Variants in MGA observed in about 807,000 individuals in gnomAD.
The protein encoded by MGA is MAX gene-associated protein.
A neutral mutation model predicts 261.1 loss-of-function variants in MGA; 40 were observed. That is an observed-to-expected ratio of 0.15 (90% CI 0.12 to 0.20). The LOEUF is 0.20. Among genes scored for constraint, MGA ranks in the 10% least tolerant of loss-of-function variants. The pLI is 1.00. For synonymous variants in MGA, 1,302 were observed against 1,290.6 expected (o/e 1.01, Z -0.19); for missense variants, 3,397 against 3,630.5 (o/e 0.94, Z 1.65).
intron 5 of MGA, among the ~76,000 whole-genome samples, chr15:41,702,956 C>A (rs959538634): frequency 1.3e-5 from 2 of 152,080 alleles, no homozygotes; most frequent in Non-Finnish European, 2.9e-5. Flanking sequence ...CCCCCCATTC[C>A]TAATTCTCTC....
In MGA at chr15:41,749,633, A is replaced by G. The variant is rs1052506659; in HGVS notation, c.6026A>G (p.Lys2009Arg). 3.7e-6 allele frequency: 6 copies of G among 1,613,962 alleles called. No individual in the cohort carries two copies. The highest frequency in any genetic ancestry group is 4.2e-6 in the Non-Finnish European group (5 of 1,179,874). The change falls in exon 17 of 24, where the codon AAA becomes AGA. Residue 2009 changes from lysine to arginine, a missense_variant. By Grantham distance (26) the Lys-to-Arg change is conservative. This residue lies in a region of MGA where 1,410 missense variants were observed against 1,386.4 expected (regional missense o/e 1.02). Coordinates refer to ENST00000219905, the MANE Select transcript of MGA (RefSeq NM_001164273.2). ...GTAGACCCTGAGGCTAATGTAATAA[A>G]ACAAAACTCAGGAGCTGCTACCTCA... is the stretch of plus-strand genomic sequence containing the variant.
intron 2 of MGA, chr15:41,691,757 A>C: frequency 3.6e-6 from 1 of 278,340 alleles, no homozygotes; most frequent in Non-Finnish European, 8.3e-6. Context: ...TCTGACTTAC[A>C]TAGTTTCCAT....
At chr15:41,679,532 T>G (rs1720921226) in intron 2 of MGA, among the ~76,000 whole-genome samples, 2 of 152,244 alleles carry the variant, frequency 1.3e-5, no homozygotes, top group South Asian at 4.1e-4. Flanking sequence ...AATCTATTCC[T>G]AAGTATTTTA....
At chr15:41,731,922 T>C (rs1455960139) in intron 11 of MGA, among the ~76,000 whole-genome samples, 2 of 152,220 alleles carry the variant, frequency 1.3e-5, no homozygotes, top group Non-Finnish European at 2.9e-5. Flanking sequence ...TGCTACTGTT[T>C]ACCATGTGTC....
At chr15:41,652,537 T>A (rs977556250) in intron 1 of MGA, among the ~76,000 whole-genome samples, 10 of 133,992 alleles carry the variant, frequency 7.5e-5, no homozygotes, top group East Asian at 2.1e-4. Context: ...GCTAATTAAA[T>A]TTTTTTTTTT....
At position 41,696,548 on chromosome 15, in the gene MGA, A is replaced by C. The variant is rs763173844; in HGVS notation, c.1538A>C (p.Glu513Ala). 4 of 1,614,020 alleles carry C rather than the reference A, an allele frequency of 2.5e-6. No homozygotes were observed. The highest frequency in any genetic ancestry group is 2.2e-5 in the South Asian group (2 of 91,086). ...TTGGAATATTTGCCTACATACATTG[A>C]AAATTCCAATGAGACTGCCTTCTGC... Residue 513 changes from glutamate (E) to alanine (A), a missense_variant, in exon 3 of 24, where the codon GAA becomes GCA. By Grantham distance (107) the Glu-to-Ala change is moderately radical. This residue lies in a region of MGA where 563 missense variants were observed against 563.6 expected (regional missense o/e 1.00). Coordinates refer to ENST00000219905, the MANE Select transcript of MGA (RefSeq NM_001164273.2).
chr15:41,696,402 A>G lies in MGA; in HGVS notation c.1392A>G (p.Gly464=). 1 of 1,613,994 alleles carries G rather than the reference A, an allele frequency of 6.2e-7. No homozygotes were observed. The highest frequency in any genetic ancestry group is 8.5e-7 in the Non-Finnish European group (1 of 1,179,890). The change falls in exon 3 of 24, where the codon GGA becomes GGG. Residue 464 remains glycine (G), a synonymous_variant. Transcript: ENST00000219905. ...CTAAAATGTTCAAATTAGACACTGG[A>G]AAGATGCCAGTAGTCTATCTGGAGC...
intron 23 of MGA, 101 bp downstream of exon 23, chr15:41,765,163 G>C: frequency 7.4e-7 from 1 of 1,348,928 alleles, no homozygotes. Flanking sequence ...ATGATAAAGA[G>C]CTATTCTGTT....
intron 1 of MGA, among the ~76,000 whole-genome samples, chr15:41,662,861 T>G (rs2057499405): frequency 6.6e-6 from 1 of 152,218 alleles, no homozygotes; most frequent in Non-Finnish European, 1.5e-5. Flanking sequence ...CTACTGTATT[T>G]ATTGTATGAA....
At chr15:41,718,302 TATATATATATATATATATAC>T (rs2060753842) in intron 9 of MGA, 3 of 93,666 alleles carry the variant, frequency 3.2e-5, no homozygotes, top group East Asian at 1.2e-4. Context: ...TGTGTGTGTG[TATATATATATATATATATAC>T]ATATATATAT....
At chr15:41,722,853 GTCC>G (rs2061024980) in intron 9 of MGA, among the ~76,000 whole-genome samples, 1 of 152,176 alleles carries the variant, frequency 6.6e-6, no homozygotes, top group Non-Finnish European at 1.5e-5. Context: ...ATTAAAACAA[GTCC>G]ATCGCTCTAA....
chr15:41,738,579 A>G (rs752458591), intron 13 of MGA, among the ~76,000 whole-genome samples: 2 of 152,132 alleles, frequency 1.3e-5, no homozygotes, highest in Non-Finnish European at 2.9e-5. Flanking sequence ...GCCTGATACA[A>G]TTTCTAGTGA....
At chr15:41,752,856 G>A (rs925854039) in intron 17 of MGA, among the ~76,000 whole-genome samples, 6 of 152,102 alleles carry the variant, frequency 3.9e-5, no homozygotes, top group Admixed American at 6.5e-5. Flanking sequence ...ACTGCCTCCG[G>A]CCTGAAGTAT....
intron 1 of MGA, among the ~76,000 whole-genome samples, chr15:41,626,967 T>C (rs2056470960): frequency 6.6e-6 from 1 of 152,156 alleles, no homozygotes; most frequent in Non-Finnish European, 1.5e-5. Context: ...TGGGTTCAAG[T>C]GATCCTCCCA....
Position 41,768,767 on chromosome 15 carries a change from A to G in MGA, c.*1487A>G, listed in dbSNP as rs185625878. 3 of 152,512 alleles carry G rather than the reference A, an allele frequency of 2.0e-5. No homozygotes were observed. In the East Asian group the frequency reaches 5.8e-4, roughly 29 times the overall value. The allele number at this position is 152,512 out of a possible 1,614,324, so 9.4% of individuals were successfully genotyped here. A position where few individuals can be genotyped will look rare whatever the true frequency, so the allele number is the denominator to read the frequency against. On this transcript the variant is annotated 3_prime_UTR_variant, in exon 24 of 24. Transcript: ENST00000219905. ...TTCTTTATCCCAAATCCCACTCAGC[A>G]TATCTTCAGACCTAGGTTGTAAGAC...
Position 41,710,684 on chromosome 15 carries a change from T to C in MGA, c.2426-7T>C, listed in dbSNP as rs766662332. Reference sequence around the variant, plus strand: ...TCTTTAAGCATTTTATGTTTTCTTATTTCTAGGTGGAAATTCAGAAAGTTC... The same window carrying C: ...TCTTTAAGCATTTTATGTTTTCTTACTTCTAGGTGGAAATTCAGAAAGTTC... On this transcript the variant is annotated splice_polypyrimidine_tract_variant and splice_region_variant and intron_variant, in intron 7 of 23. Transcript: ENST00000219905. 1.3e-6 allele frequency: 2 copies of C among 1,589,896 alleles called. No individual in the cohort carries two copies. Among genetic ancestry groups the C allele is most frequent in the Non-Finnish European group, 1.7e-6 (2 of 1,170,258 alleles).
In MGA at chr15:41,749,858, T is replaced by G; in HGVS notation, c.6251T>G (p.Leu2084Arg). 1 of 1,613,930 alleles carries G rather than the reference T, an allele frequency of 6.2e-7. No individual in the cohort carries two copies. Among genetic ancestry groups the G allele is most frequent in the South Asian group, 1.1e-5 (1 of 91,078 alleles). Residue 2084 changes from leucine to arginine, a missense_variant, in exon 17 of 24, where the codon CTG becomes CGG. This residue lies in a region of MGA where 1,410 missense variants were observed against 1,386.4 expected (regional missense o/e 1.02). Transcript: ENST00000219905. ...AGTTCCAAAGAAAAAGTGGCTGTTC[T>G]GGAAGTTAGGACCATTTCTGAAAAA...
rs34069193 is a variant in MGA at position 41,762,461 on chromosome 15, G to GTTTTTTTT, written c.7744+122_7744+129dup. 6.9e-3 allele frequency: 956 copies of GTTTTTTTT among 138,258 alleles called. 131 individuals are homozygous for GTTTTTTTT. The highest frequency in any genetic ancestry group is 0.019 in the African/African-American group (292 of 15,420). 8.6% of individuals were successfully genotyped at this position (138,258 alleles called of 1,614,324 possible). A position where few individuals can be genotyped will look rare whatever the true frequency, so the allele number is the denominator to read the frequency against. On this transcript the variant is annotated intron_variant, in intron 22 of 23. Coordinates refer to ENST00000219905, the MANE Select transcript of MGA (RefSeq NM_001164273.2). ...TTGTCCACATTTTTAGTTTTGTGTG[G>GTTTTTTTT]TTTTTTTTTTTTTTTTTTTTTTTTT...
chr15:41,664,926 A>AAC (rs200115500), intron 1 of MGA, among the ~76,000 whole-genome samples: 1 of 60,844 alleles, frequency 1.6e-5, no homozygotes, highest in Non-Finnish European at 4.6e-5. Flanking sequence ...TGTACATTTT[A>AAC]TCTCTTTTAA....
Sources: allele counts gnomAD v4.1 joint callset (sites outside exome capture counted in the v4.1 genomes callset), GRCh38; gene constraint gnomAD v4.1.1; regional missense constraint gnomAD v4.1.1; transcripts MANE v1.5; gene names NCBI Gene and HGNC (gene_info 2026-07-23, HGNC 2026-07-21).